The following SNX25 variants were observed in gnomAD, a reference collection of about 807,000 sequenced individuals.
The protein encoded by SNX25 is sorting nexin 25, also known as sorting nexin-25.
SNX25 carries 62 observed loss-of-function variants against 113.7 expected under a neutral mutation model. The observed-to-expected ratio is 0.55, with a 90% CI of 0.44 to 0.67. The LOEUF is 0.67. SNX25 is among the 30% of genes least tolerant of loss of function. The pLI, the probability that SNX25 is intolerant of heterozygous loss-of-function variation, is 0.00. For missense variants in SNX25, 1,014 were observed against 1,161.0 expected (o/e 0.87, Z 1.84); for synonymous variants, 421 against 436.2 (o/e 0.97, Z 0.43).
intron 6 of SNX25, among the ~76,000 whole-genome samples, chr4:185,296,316 A>T (rs1752832129): frequency 6.6e-6 from 1 of 152,184 alleles, no homozygotes; most frequent in East Asian, 1.9e-4. Flanking sequence ...ATGACATAAG[A>T]CAACCCGTAG....
chr4:185,343,080 G>T (rs993461369), intron 12 of SNX25, among the ~76,000 whole-genome samples: 1 of 151,962 alleles, frequency 6.6e-6, no homozygotes, highest in Non-Finnish European at 1.5e-5. Flanking sequence ...TAGCAGAGAC[G>T]GGGTTTCACC....
chr4:185,324,485 A>T (rs1383103632), intron 9 of SNX25, among the ~76,000 whole-genome samples: 1 of 151,690 alleles, frequency 6.6e-6, no homozygotes, highest in African/African-American at 2.4e-5. Context: ...ACAGGCTTGG[A>T]ATGTTTCTGT....
At chr4:185,212,316 A>C (rs955865917) in intron 1 of SNX25, among the ~76,000 whole-genome samples, 1 of 151,380 alleles carries the variant, frequency 6.6e-6, no homozygotes. Context: ...TTTTTTTTAA[A>C]TTTTTTAAGT....
intron 6 of SNX25, among the ~76,000 whole-genome samples, chr4:185,292,013 CTTTCTGACCACATTAAGAT>C (rs1752239773): frequency 6.6e-6 from 1 of 152,170 alleles, no homozygotes; most frequent in South Asian, 2.1e-4. Flanking sequence ...TTTCAGCAAG[CTTTCTGACCACATTAAGAT>C]TTTCTGCCTT....
chr4:185,324,289 G>T (rs1180771804), intron 9 of SNX25, among the ~76,000 whole-genome samples: 1 of 152,160 alleles, frequency 6.6e-6, no homozygotes, highest in African/African-American at 2.4e-5. Context: ...AAAGAAGGCA[G>T]AAGAAATTAA....
intron 1 of SNX25, among the ~76,000 whole-genome samples, chr4:185,219,983 C>T (rs1739536969): frequency 6.7e-6 from 1 of 150,326 alleles, no homozygotes; most frequent in Non-Finnish European, 1.5e-5. Flanking sequence ...CGCTAGATAG[C>T]TCAGAAAGTT....
intron 9 of SNX25, among the ~76,000 whole-genome samples, chr4:185,328,161 A>T (rs923051573): frequency 6.6e-6 from 1 of 152,244 alleles, no homozygotes; most frequent in South Asian, 2.1e-4. Context: ...TCCAGTAGTT[A>T]TAAGATTTTT....
chr4:185,216,325 T>TTGGCTC (rs1420698765), intron 1 of SNX25, among the ~76,000 whole-genome samples: 49 of 152,148 alleles, frequency 3.2e-4, no homozygotes, highest in Non-Finnish European at 6.2e-4. Context: ...GAACAGTGAT[T>TTGGCTC]ACACATAAAG....
chr4:185,215,534 A>G (rs1738673839), intron 1 of SNX25, among the ~76,000 whole-genome samples: 1 of 152,238 alleles, frequency 6.6e-6, no homozygotes, highest in East Asian at 1.9e-4. Flanking sequence ...GGAAAAGGAA[A>G]AGAAACAGGA....
chr4:185,375,487 A>AAAAAAATATATATATATAT, the SNX25 span: 1 of 12,016 alleles, frequency 8.3e-5, no homozygotes, highest in African/African-American at 2.9e-4. Flanking sequence ...AAAAAAAAAA[A>AAAAAAATATATATATATAT]ATATATATAT....
chr4:185,351,742 A>G, intron 14 of SNX25, 133 bp downstream of exon 14: 1 of 921,520 alleles, frequency 1.1e-6, no homozygotes, highest in South Asian at 1.7e-5. Flanking sequence ...ACCTGCTTGT[A>G]TTTCTGTATC....
At chr4:185,325,643 T>C (rs1443788491) in intron 9 of SNX25, among the ~76,000 whole-genome samples, 4 of 152,170 alleles carry the variant, frequency 2.6e-5, no homozygotes, top group Non-Finnish European at 5.9e-5. Flanking sequence ...AAATAGACCT[T>C]TTAAATTGGC....
At chr4:185,269,893 G>C (rs1748669127) in intron 5 of SNX25, among the ~76,000 whole-genome samples, 1 of 151,998 alleles carries the variant, frequency 6.6e-6, no homozygotes. Context: ...TAGTTATTTT[G>C]AATGATCTAC....
intron 1 of SNX25, among the ~76,000 whole-genome samples, chr4:185,211,273 G>A (rs1032712997): frequency 1.4e-4 from 21 of 152,158 alleles, no homozygotes; most frequent in Admixed American, 5.2e-4. Context: ...AGATAATGGC[G>A]GAAGGCATTA....
At position 185,287,360 on chromosome 4, in the gene SNX25, C is replaced by T. The variant is rs561381076; in HGVS notation, c.1092-652C>T. ...AAAAATACTGATGCGAGTCCTGGTG[C>T]AGATATTTTGATTCTGTTGGGTTGG... On this transcript the variant is annotated intron_variant, in intron 5 of 18. Coordinates refer to ENST00000652585, the MANE Select transcript of SNX25 (RefSeq NM_001378034.2). Among the ~76,000 whole-genome samples, 8 of 152,250 alleles carry T rather than the reference C, an allele frequency of 5.3e-5. No homozygotes were observed. In the East Asian group the frequency reaches 1.2e-3, roughly 22 times the overall value.
Position 185,331,437 on chromosome 4 carries a change from A to T in SNX25, c.1750-1158A>T, listed in dbSNP as rs1397566677. On this transcript the variant is annotated intron_variant, in intron 9 of 18. Transcript: ENST00000652585. ...AGAATACCCATTCAAATGAATACAA[A>T]GTATGAAATTATATATCATTTTATA... Among the ~76,000 whole-genome samples, 5 of 152,356 alleles carry T rather than the reference A, an allele frequency of 3.3e-5. No homozygotes were observed. In the East Asian group the frequency reaches 9.6e-4, roughly 29 times the overall value.
intron 1 of SNX25, among the ~76,000 whole-genome samples, chr4:185,213,195 C>T (rs1166534754): frequency 3.3e-5 from 5 of 152,156 alleles, no homozygotes; most frequent in Non-Finnish European, 7.4e-5. Context: ...AAGAAGTGTT[C>T]GCTGATGATG....
intron 9 of SNX25, among the ~76,000 whole-genome samples, chr4:185,332,105 G>T (rs145683533): frequency 1.1e-3 from 175 of 152,292 alleles, no homozygotes; most frequent in African/African-American, 4.2e-3. Context: ...CTATTGATTT[G>T]TAGAATATAT....
chr4:185,300,684 G>T (rs1210599719), intron 6 of SNX25, among the ~76,000 whole-genome samples: 2 of 150,658 alleles, frequency 1.3e-5, no homozygotes, highest in Non-Finnish European at 3.0e-5. Context: ...AGAATGTCCT[G>T]CTATGGTTTG....
Sources: allele counts gnomAD v4.1 joint callset (sites outside exome capture counted in the v4.1 genomes callset), GRCh38; gene constraint gnomAD v4.1.1; transcripts MANE v1.5; gene names NCBI Gene and HGNC (gene_info 2026-07-23, HGNC 2026-07-21).